GSG1L: variants seen among roughly 807,000 people sequenced by gnomAD.
The protein encoded by GSG1L is GSG1 like, also known as germ cell-specific gene 1-like protein.
Under a neutral mutation model 42.1 loss-of-function variants are expected in GSG1L, and 24 were observed. The ratio of observed to expected loss-of-function variants is 0.57; its 90% confidence interval spans 0.41 to 0.80. GSG1L has a LOEUF of 0.80. Among genes scored for constraint, GSG1L ranks in the 30% least tolerant of loss-of-function variants. The pLI, the probability that GSG1L is intolerant of heterozygous loss-of-function variation, is 0.00. For missense variants in GSG1L, 445 were observed against 472.2 expected, an observed-to-expected ratio of 0.94 and a Z score of 0.53; for synonymous variants, 215 against 203.5, an observed-to-expected ratio of 1.06 and a Z score of -0.48.
intron 1 of GSG1L, among the ~76,000 whole-genome samples, chr16:27,982,642 C>T (rs1264862811): frequency 6.6e-6 from 1 of 152,146 alleles, no homozygotes; most frequent in African/African-American, 2.4e-5. Flanking sequence ...TTATTTGGCT[C>T]GTGGCTCTGC....
chr16:27,824,029 G>C, intron 5 of GSG1L: 1 of 670,118 alleles, frequency 1.5e-6, no homozygotes, highest in Non-Finnish European at 2.7e-6. Context: ...AGATAATAAC[G>C]AGATTATCAG....
At chr16:27,977,258 A>G (rs371753075) in intron 1 of GSG1L, among the ~76,000 whole-genome samples, 1 of 152,226 alleles carries the variant, frequency 6.6e-6, no homozygotes, top group African/African-American at 2.4e-5. Context: ...AGGCTCTGTT[A>G]TCATGCAGGG....
At chr16:27,806,507 A>C (rs2082964435) in intron 6 of GSG1L, among the ~76,000 whole-genome samples, 1 of 152,196 alleles carries the variant, frequency 6.6e-6, no homozygotes, top group African/African-American at 2.4e-5. Flanking sequence ...AAAGTGGGAC[A>C]GGGATGGGAG....
intron 1 of GSG1L, among the ~76,000 whole-genome samples, chr16:27,966,920 C>T (rs1420918090): frequency 6.6e-6 from 1 of 152,218 alleles, no homozygotes; most frequent in African/African-American, 2.4e-5. Flanking sequence ...GCTGTGCCTC[C>T]TTTAGATAAG....
rs371884960 is a variant in GSG1L, at chr16:27,930,201, T to C, written c.397+32955A>G. On this transcript the variant is annotated intron_variant, in intron 2 of 6. Transcript: ENST00000447459. The stretch of plus-strand genomic sequence containing the variant: ...GATTCCATAACCTCAACGCCTTCAC[T>C]TCCTCATTGAGAAACCACAATAGTT... Among the ~76,000 whole-genome samples the C allele has an allele frequency of 1.1e-4, 16 of 152,210 alleles. No homozygotes were observed. The East Asian group carries it at 2.7e-3, about 26-fold the overall frequency.
intron 2 of GSG1L, among the ~76,000 whole-genome samples, chr16:27,961,850 G>A (rs998534851): frequency 7.9e-5 from 12 of 152,088 alleles, no homozygotes; most frequent in East Asian, 1.9e-4. Context: ...AGTCCTTGTC[G>A]CTTTCTGGGA....
At chr16:27,918,215 G>A (rs914956434) in intron 2 of GSG1L, among the ~76,000 whole-genome samples, 18 of 152,042 alleles carry the variant, frequency 1.2e-4, no homozygotes, top group Non-Finnish European at 2.4e-4. Flanking sequence ...CGTAGGCCTG[G>A]GTCTCCTGCT....
At position 27,791,014 on chromosome 16, in the gene GSG1L, C is replaced by T. The variant is rs2082744922; in HGVS notation, c.*356G>A. The T allele has an allele frequency of 4.9e-6, 1 of 203,988 alleles. No individual in the cohort carries two copies. The highest frequency in any genetic ancestry group is 1.9e-4 in the South Asian group (1 of 5,292). 12.6% of individuals were successfully genotyped at this position (203,988 alleles called of 1,614,324 possible). ...CTCTCTGCCCCCCAAAGGGCTCTGC[C>T]CCTCTGGGCACCTGACTGGCTTGTG... On this transcript the variant is annotated 3_prime_UTR_variant, in exon 7 of 7. Coordinates refer to ENST00000447459, the MANE Select transcript of GSG1L (RefSeq NM_001109763.2).
At chr16:27,953,823 G>A (rs2141098349) in intron 2 of GSG1L, among the ~76,000 whole-genome samples, 1 of 152,222 alleles carries the variant, frequency 6.6e-6, no homozygotes, top group South Asian at 2.1e-4. Context: ...AGGCTGCAGT[G>A]AACAGAGATT....
intron 1 of GSG1L, among the ~76,000 whole-genome samples, chr16:28,015,810 G>A (rs984246101): frequency 8.5e-5 from 13 of 152,242 alleles, no homozygotes; most frequent in Admixed American, 8.5e-4. Context: ...GTCTACAGAA[G>A]TGCCTCTGGT....
At chr16:28,055,088 G>A (rs2141198692) in intron 1 of GSG1L, among the ~76,000 whole-genome samples, 1 of 152,172 alleles carries the variant, frequency 6.6e-6, no homozygotes, top group East Asian at 1.9e-4. Flanking sequence ...GCCTCCAGGA[G>A]CCCAGTGGCC....
intron 2 of GSG1L, among the ~76,000 whole-genome samples, chr16:27,947,426 A>G (rs1054371614): frequency 7.1e-6 from 1 of 140,612 alleles, no homozygotes; most frequent in South Asian, 2.3e-4. Flanking sequence ...GAAAGAAAGA[A>G]AGAGAAGGAA....
intron 1 of GSG1L, among the ~76,000 whole-genome samples, chr16:28,036,969 AAG>A (rs1287462548): frequency 1.3e-5 from 2 of 152,222 alleles, no homozygotes; most frequent in Non-Finnish European, 2.9e-5. Context: ...TACTCCCCAG[AAG>A]AGTGTGCACT....
intron 1 of GSG1L, among the ~76,000 whole-genome samples, chr16:27,967,416 C>A (rs1012145174): frequency 2.6e-5 from 4 of 152,138 alleles, no homozygotes. Context: ...ATGGGTGAAC[C>A]CTGCTCTGTG....
chr16:27,924,498 C>T (rs920975695), intron 2 of GSG1L, among the ~76,000 whole-genome samples: 2 of 152,034 alleles, frequency 1.3e-5, no homozygotes, highest in African/African-American at 4.8e-5. Flanking sequence ...TTTTTTTTGG[C>T]ATAAATAATG....
At chr16:27,854,674 GCCACCTGTGT>G (rs1427043352) in intron 3 of GSG1L, among the ~76,000 whole-genome samples, 1 of 152,026 alleles carries the variant, frequency 6.6e-6, no homozygotes, top group Non-Finnish European at 1.5e-5. Context: ...TTTCCTGATG[GCCACCTGTGT>G]CCACCTGTGT....
At chr16:28,051,667 G>A (rs912600125) in intron 1 of GSG1L, among the ~76,000 whole-genome samples, 2 of 152,248 alleles carry the variant, frequency 1.3e-5, no homozygotes, top group African/African-American at 2.4e-5. Context: ...GGAGCTGCAC[G>A]TGCAAAGGCC....
chr16:27,801,279 G>C (rs763757614), intron 6 of GSG1L, among the ~76,000 whole-genome samples: 2 of 152,160 alleles, frequency 1.3e-5, no homozygotes, highest in African/African-American at 4.8e-5. Context: ...TTTTATTGCC[G>C]AGTGAACCAG....
At chr16:27,891,120 TC>T (rs1380283223) in intron 2 of GSG1L, among the ~76,000 whole-genome samples, 4 of 151,586 alleles carry the variant, frequency 2.6e-5, no homozygotes, top group Non-Finnish European at 5.9e-5. Flanking sequence ...GAAGCAGCCG[TC>T]CCCCCGTGCC....
Sources: gnomAD v4.1 joint callset for allele counts (sites outside exome capture counted in the v4.1 genomes callset) on GRCh38, gnomAD v4.1.1 for gene constraint, MANE v1.5 for transcripts, NCBI Gene and HGNC (gene_info 2026-07-23, HGNC 2026-07-21) for gene names.